ITGAX: variants seen among roughly 807,000 people sequenced by gnomAD.
ITGAX encodes the protein integrin alpha-X.
A neutral mutation model predicts 140.2 loss-of-function variants in ITGAX; 99 were observed. The observed-to-expected ratio is 0.71, with a 90% CI of 0.60 to 0.83. The LOEUF (loss-of-function observed/expected upper bound fraction) is 0.83, where lower values mean the gene tolerates loss of function less well. ITGAX is among the 40% of genes least tolerant of loss of function. The pLI, the probability that ITGAX is intolerant of heterozygous loss-of-function variation, is 0.00. For missense variants in ITGAX, 1,444 were observed against 1,482.0 expected, an observed-to-expected ratio of 0.97 and a Z score of 0.42; for synonymous variants, 631 against 600.4, an observed-to-expected ratio of 1.05 and a Z score of -0.75.
At chr16:31,364,564 T>C (rs2080872535) in intron 14 of ITGAX, among the ~76,000 whole-genome samples, 1 of 151,498 alleles carries the variant, frequency 6.6e-6, no homozygotes, top group Non-Finnish European at 1.5e-5. Context: ...AAAACTATAA[T>C]GAGATGCCAC....
rs571849394 is a variant in ITGAX at position 31,379,552 on chromosome 16, C to T, written c.2790-16C>T. 11 of 1,555,476 alleles carry T rather than the reference C, an allele frequency of 7.1e-6. No homozygotes were observed. Among genetic ancestry groups the T allele is most frequent in the South Asian group, 3.6e-5 (3 of 84,322 alleles). ...CCATGGTAGTTCACATCCACTTATG[C>T]GTCTTCTCTCTCCAGCCACGAACAA... On this transcript the variant is annotated splice_polypyrimidine_tract_variant and intron_variant, in intron 23 of 29. Transcript: ENST00000268296.
intron 5 of ITGAX, among the ~76,000 whole-genome samples, chr16:31,358,909 C>T (rs2080791113): frequency 6.6e-6 from 1 of 151,500 alleles, no homozygotes; most frequent in Non-Finnish European, 1.5e-5. Flanking sequence ...CCTCCAACTC[C>T]TGGGCTCAAG....
In ITGAX at chr16:31,361,111, A is replaced by G; in HGVS notation, c.910A>G (p.Ile304Val). ...NRNSWKELND[I>V]ASKPSQEHIF... ...AAATTCTTGGAAAGAATTAAATGAC[A>G]TTGCATCGAAGCCCTCCCAGGAACA... Residue 304 changes from isoleucine to valine, a missense_variant, in exon 9 of 30, where the codon ATT becomes GTT. Coordinates refer to ENST00000268296, the MANE Select transcript of ITGAX (RefSeq NM_000887.5). 1 of 1,613,774 alleles carries G rather than the reference A, an allele frequency of 6.2e-7. No homozygotes were observed. The highest frequency in any genetic ancestry group is 8.5e-7 in the Non-Finnish European group (1 of 1,179,928).
rs145025324 is a variant in ITGAX at position 31,362,973 on chromosome 16, C to T, written c.1398C>T (p.Asp466=). The stretch of plus-strand genomic sequence containing the variant: ...TCGGGGCCTCCCTCTGCTCCGTGGA[C>T]GTAGACAGCGACGGCAGCACCGACC... The part of the protein sequence containing the change: ...SYFGASLCSV[D]VDSDGSTDLV... The change falls in exon 13 of 30, where the codon GAC becomes GAT. Residue 466 remains aspartate, a synonymous_variant. Coordinates refer to ENST00000268296, the MANE Select transcript of ITGAX (RefSeq NM_000887.5). The T allele has an allele frequency of 4.2e-5, 68 of 1,611,708 alleles. No individual in the cohort carries two copies. In the African/African-American group the frequency reaches 5.1e-4, roughly 12 times the overall value.
chr16:31,362,730 A>G lies in ITGAX; in HGVS notation c.1336A>G (p.Lys446Glu). 1 of 1,613,902 alleles carries G rather than the reference A, an allele frequency of 6.2e-7. No individual in the cohort carries two copies. ...FTQVSRQWRM[K>E]AEVTGTQIGS... ...CCAGGTGTCCAGGCAATGGAGGATG[A>G]AGGCCGAAGTCACGGGGACTCAGGT... The change falls in exon 12 of 30, where the codon AAG becomes GAG. Residue 446 changes from lysine (K) to glutamate (E), a missense_variant. Lys to Glu is a moderately conservative substitution (Grantham distance 56). Transcript: ENST00000268296.
In ITGAX at chr16:31,380,284, T is replaced by A; in HGVS notation, c.3079T>A (p.Cys1027Ser). ...NPVLDCSIAG[C>S]LRFRCDVPSF... Reference sequence around the variant, plus strand: ...CCCCCAGGACTGCTCCATTGCTGGCTGCCTGCGGTTCCGCTGTGACGTCCC... The same window carrying A: ...CCCCCAGGACTGCTCCATTGCTGGCAGCCTGCGGTTCCGCTGTGACGTCCC... The change falls in exon 27 of 30, where the codon TGC becomes AGC. Residue 1027 changes from cysteine (C) to serine (S), a missense_variant. Coordinates refer to ENST00000268296, the MANE Select transcript of ITGAX (RefSeq NM_000887.5). 1 of 1,614,212 alleles carries A rather than the reference T, an allele frequency of 6.2e-7. No individual in the cohort carries two copies. Among genetic ancestry groups the A allele is most frequent in the Non-Finnish European group, 8.5e-7 (1 of 1,180,024 alleles).
At position 31,357,239 on chromosome 16, in the gene ITGAX, C is replaced by T. The variant is rs1243858383; in HGVS notation, c.319-14C>T. ...AAGCAGGGGCAGCCCCCCAGCAGCC[C>T]GCTGTGTCCCCAGGCCTGCGGCCCC... is the stretch of plus-strand genomic sequence containing the variant. On this transcript the variant is annotated splice_polypyrimidine_tract_variant and intron_variant, in intron 4 of 29. Coordinates refer to ENST00000268296, the MANE Select transcript of ITGAX (RefSeq NM_000887.5). 19 of 1,586,076 alleles carry T rather than the reference C, an allele frequency of 1.2e-5. No homozygotes were observed. The highest frequency in any genetic ancestry group is 3.4e-5 in the South Asian group (3 of 88,304).
chr16:31,369,390 G>A (rs955587619), intron 14 of ITGAX, among the ~76,000 whole-genome samples: 2 of 151,946 alleles, frequency 1.3e-5, no homozygotes, highest in Non-Finnish European at 2.9e-5. Context: ...CTCACCTCCC[G>A]GACGACTCCA....
At chr16:31,357,402 G>A (rs373801738) in intron 5 of ITGAX, 38 bp downstream of exon 5, 13 of 1,375,344 alleles carry the variant, frequency 9.5e-6, no homozygotes, top group South Asian at 2.5e-5. Context: ...AGGAGCTCAC[G>A]CACATCCAAT....
chr16:31,365,556 G>A (rs919143825), intron 14 of ITGAX, among the ~76,000 whole-genome samples: 1 of 152,204 alleles, frequency 6.6e-6, no homozygotes, highest in African/African-American at 2.4e-5. Flanking sequence ...GATTAAATGA[G>A]TTAGTATGCA....
intron 3 of ITGAX, 40 bp downstream of exon 3, chr16:31,356,768 CAG>C (rs1453928196): frequency 7.0e-7 from 1 of 1,433,564 alleles, no homozygotes; most frequent in Non-Finnish European, 9.6e-7. Flanking sequence ...GCCGGGCTCC[CAG>C]GCTTCCCTGC....
chr16:31,362,877 GGCCCACAGGGC>G (rs2080848155), intron 12 of ITGAX, 47 bp from the exon 13 acceptor site: 1 of 1,607,862 alleles, frequency 6.2e-7, no homozygotes, highest in Admixed American at 1.7e-5. Flanking sequence ...GGTGGGACCT[GGCCCACAGGGC>G]TGCCTCTGGC....
rs997936196 is a variant in ITGAX, at chr16:31,362,767, G to A, written c.1359+14G>A. 16 of 1,613,480 alleles carry A rather than the reference G, an allele frequency of 9.9e-6. No individual in the cohort carries two copies. Among genetic ancestry groups the A allele is most frequent in the Non-Finnish European group, 1.4e-5 (16 of 1,179,710 alleles). On this transcript the variant is annotated intron_variant, in intron 12 of 29. Coordinates refer to ENST00000268296, the MANE Select transcript of ITGAX (RefSeq NM_000887.5). Reference sequence around the variant, plus strand: ...ACGGGGACTCAGGTTGGGCGTGACAGGAGCCAGAGGGGAGGATGAGGGTAG... The same window carrying A: ...ACGGGGACTCAGGTTGGGCGTGACAAGAGCCAGAGGGGAGGATGAGGGTAG...
chr16:31,381,376 A>T (rs1309388175), intron 29 of ITGAX, among the ~76,000 whole-genome samples: 1 of 152,090 alleles, frequency 6.6e-6, no homozygotes, highest in East Asian at 1.9e-4. Flanking sequence ...TGTGAAGGTG[A>T]TTCTACCCCA....
intron 14 of ITGAX, among the ~76,000 whole-genome samples, chr16:31,365,393 A>T (rs1189246954): frequency 2.6e-5 from 4 of 152,190 alleles, no homozygotes; most frequent in Non-Finnish European, 5.9e-5. Context: ...AGCTGTTACC[A>T]AAAAGAAAAA....
At chr16:31,372,749 C>T in intron 19 of ITGAX, 79 bp downstream of exon 19, 1 of 1,332,130 alleles carries the variant, frequency 7.5e-7, no homozygotes. Flanking sequence ...CTGGCTCTCC[C>T]TAACATTGTC....
Position 31,371,180 on chromosome 16 carries a change from G to A in ITGAX, c.1807G>A (p.Ala603Thr). 6.2e-7 allele frequency: 1 copy of A among 1,612,092 alleles called. No individual in the cohort carries two copies. Among genetic ancestry groups the A allele is most frequent in the Non-Finnish European group, 8.5e-7 (1 of 1,179,106 alleles). ...CACCCAGGATGGACTGGTGGACCTGGCTGTGGGGGCCCGGGGCCAGGTGCT... is the reference window on the plus strand; with the variant it reads ...CACCCAGGATGGACTGGTGGACCTGACTGTGGGGGCCCGGGGCCAGGTGCT... ...DLTQDGLVDL[A>T]VGARGQVLLL... The change falls in exon 15 of 30, where the codon GCT becomes ACT. Residue 603 changes from alanine (A) to threonine (T), a missense_variant. Transcript: ENST00000268296.
At chr16:31,372,691 C>A (rs763990875) in intron 19 of ITGAX, 21 bp downstream of exon 19, 1 of 1,608,400 alleles carries the variant, frequency 6.2e-7, no homozygotes, top group South Asian at 1.1e-5. Context: ...CCACCTTAGA[C>A]CTGCCCTACT....
rs1567298367 is a variant in ITGAX, at chr16:31,362,675, C to T, written c.1281C>T (p.Tyr427=). 11 of 1,613,860 alleles carry T rather than the reference C, an allele frequency of 6.8e-6. No individual in the cohort carries two copies. Among genetic ancestry groups the T allele is most frequent in the Non-Finnish European group, 8.5e-6 (10 of 1,179,872 alleles). The change falls in exon 12 of 30, where the codon TAC becomes TAT. Residue 427 remains tyrosine (Y), a synonymous_variant. Coordinates refer to ENST00000268296, the MANE Select transcript of ITGAX (RefSeq NM_000887.5). ...VQSLVLGAPR[Y]QHTGKAVIFT... ...GCCTGGTCCTGGGGGCCCCCCGCTA[C>T]CAGCACACCGGGAAGGCTGTCATCT... is the stretch of plus-strand genomic sequence containing the variant.
Sources: gnomAD v4.1 joint callset for allele counts (sites outside exome capture counted in the v4.1 genomes callset) on GRCh38, gnomAD v4.1.1 for gene constraint, MANE v1.5 for transcripts, NCBI Gene and HGNC (gene_info 2026-07-23, HGNC 2026-07-21) for gene names.